Variants in MYO3B observed in about 807,000 individuals in gnomAD.
MYO3B encodes the protein myosin-IIIb.
MYO3B carries 156 observed loss-of-function variants against 174.6 expected under a neutral mutation model. The ratio of observed to expected loss-of-function variants is 0.89; its 90% CI spans 0.78 to 1.02. MYO3B has a LOEUF of 1.02. Among genes scored for constraint, MYO3B ranks in the 50% least tolerant of loss-of-function variants. The probability of loss-of-function intolerance (pLI) is 0.00; values close to 1 mark genes in which losing one functional copy is unlikely to be tolerated. For missense variants in MYO3B, 1,632 were observed against 1,639.4 expected, an observed-to-expected ratio of 1.00 and a Z score of 0.08; for synonymous variants, 563 against 569.1, an observed-to-expected ratio of 0.99 and a Z score of 0.15.
intron 22 of MYO3B, among the ~76,000 whole-genome samples, chr2:170,422,249 C>T (rs1558985917): frequency 6.6e-6 from 1 of 152,148 alleles, no homozygotes. Context: ...GTTGCCAAGG[C>T]TGGAGTACAG....
chr2:170,559,322 A>C (rs1691556435), intron 32 of MYO3B, among the ~76,000 whole-genome samples: 1 of 152,198 alleles, frequency 6.6e-6, no homozygotes, highest in South Asian at 2.1e-4. Flanking sequence ...GGAAAATAGA[A>C]GCCTTAAGGG....
chr2:170,199,034 A>G (rs778365151), intron 1 of MYO3B, among the ~76,000 whole-genome samples, 174 bp from the exon 2 acceptor site: 18 of 152,152 alleles, frequency 1.2e-4, no homozygotes, highest in Non-Finnish European at 2.2e-4. Flanking sequence ...ATCTTTTATT[A>G]CCATTTCTTA....
chr2:170,312,444 G>A (rs547974444), intron 7 of MYO3B, among the ~76,000 whole-genome samples: 1 of 152,366 alleles, frequency 6.6e-6, no homozygotes, highest in African/African-American at 2.4e-5. Flanking sequence ...CCTATTTAGT[G>A]TATTGCTGAA....
intron 30 of MYO3B, among the ~76,000 whole-genome samples, chr2:170,542,625 G>T (rs1312135678): frequency 1.3e-5 from 2 of 152,156 alleles, no homozygotes; most frequent in Non-Finnish European, 2.9e-5. Context: ...GCCCAATAGA[G>T]CTCGCTAAAC....
intron 23 of MYO3B, among the ~76,000 whole-genome samples, chr2:170,445,744 C>T (rs1014785282): frequency 1.3e-5 from 2 of 152,150 alleles, no homozygotes; most frequent in Non-Finnish European, 2.9e-5. Context: ...AAGGATCCTT[C>T]CACCTCAGCC....
At chr2:170,495,173 C>A (rs1017135751) in intron 25 of MYO3B, among the ~76,000 whole-genome samples, 6 of 152,306 alleles carry the variant, frequency 3.9e-5, no homozygotes, top group Middle Eastern at 3.4e-3. Context: ...ACTCATCATG[C>A]TGCTTCAGGA....
intron 28 of MYO3B, among the ~76,000 whole-genome samples, chr2:170,502,773 T>C (rs1687359509): frequency 6.6e-6 from 1 of 152,188 alleles, no homozygotes; most frequent in African/African-American, 2.4e-5. Context: ...GGATTTCACA[T>C]ACAGCTGAGC....
At chr2:170,249,374 A>G (rs34858703) in intron 7 of MYO3B, among the ~76,000 whole-genome samples, 33,543 of 152,086 alleles carry the variant, frequency 0.22, 5,707 homozygotes, top group African/African-American at 0.48. Context: ...ACCTTCCTCC[A>G]CATTTCCTCT....
At chr2:170,620,148 G>A (rs1026198060) in intron 32 of MYO3B, among the ~76,000 whole-genome samples, 1 of 151,800 alleles carries the variant, frequency 6.6e-6, no homozygotes, top group East Asian at 1.9e-4. Flanking sequence ...ATCTTTGGAG[G>A]GTTTCAAACA....
At chr2:170,601,063 A>G (rs1374219857) in intron 32 of MYO3B, among the ~76,000 whole-genome samples, 1 of 152,242 alleles carries the variant, frequency 6.6e-6, no homozygotes, top group African/African-American at 2.4e-5. Flanking sequence ...ACTATATGAA[A>G]GGATAAACAC....
chr2:170,399,030 G>A (rs1369520775), intron 16 of MYO3B, among the ~76,000 whole-genome samples: 1 of 152,020 alleles, frequency 6.6e-6, no homozygotes, highest in Non-Finnish European at 1.5e-5. Context: ...CAGATCACCT[G>A]AGGTCAGGAG....
At chr2:170,575,295 T>C (rs566567482) in intron 32 of MYO3B, among the ~76,000 whole-genome samples, 1 of 152,256 alleles carries the variant, frequency 6.6e-6, no homozygotes, top group African/African-American at 2.4e-5. Context: ...TATATGTATT[T>C]ATATATTCCC....
chr2:170,468,447 T>C (rs1684775338), intron 25 of MYO3B, among the ~76,000 whole-genome samples: 1 of 151,758 alleles, frequency 6.6e-6, no homozygotes, highest in South Asian at 2.3e-4. Flanking sequence ...CTTGGGATCA[T>C]GTTGTTGGGT....
chr2:170,192,718 CTTAAG>C (rs780818861), intron 1 of MYO3B, among the ~76,000 whole-genome samples: 15 of 151,354 alleles, frequency 9.9e-5, no homozygotes, highest in Non-Finnish European at 1.6e-4. Flanking sequence ...AGCCCAGCTT[CTTAAG>C]TTTTTTGCTT....
At chr2:170,348,811 A>G (rs2094038290) in intron 8 of MYO3B, among the ~76,000 whole-genome samples, 1 of 152,162 alleles carries the variant, frequency 6.6e-6, no homozygotes, top group South Asian at 2.1e-4. Context: ...ATAGCTTAGT[A>G]TATGTGCTTT....
intron 32 of MYO3B, among the ~76,000 whole-genome samples, chr2:170,594,164 C>T (rs189911544): frequency 7.7e-4 from 117 of 152,182 alleles, no homozygotes; most frequent in African/African-American, 2.0e-3. Context: ...GTAATTGGTC[C>T]AGAGTAGGAC....
At chr2:170,428,992 C>T (rs916343162) in intron 22 of MYO3B, among the ~76,000 whole-genome samples, 3 of 152,212 alleles carry the variant, frequency 2.0e-5, no homozygotes, top group African/African-American at 7.2e-5. Flanking sequence ...TAGTTCCAAG[C>T]ACTGAATCAT....
chr2:170,651,819 C>CCGGGGGGGGGG, intron 33 of MYO3B, 85 bp downstream of exon 33: 3 of 1,081,966 alleles, frequency 2.8e-6, no homozygotes, highest in East Asian at 2.4e-5. Flanking sequence ...CCAGCCCCTG[C>CCGGGGGGGGGG]AGCCCCACCC....
At chr2:170,415,441 G>T (rs2094572162) in intron 22 of MYO3B, among the ~76,000 whole-genome samples, 1 of 152,016 alleles carries the variant, frequency 6.6e-6, no homozygotes, top group Non-Finnish European at 1.5e-5. Context: ...TTTTACTTAT[G>T]TATCATGTTT....
Sources: allele counts gnomAD v4.1 joint callset (sites outside exome capture counted in the v4.1 genomes callset), GRCh38; gene constraint gnomAD v4.1.1; transcripts MANE v1.5; gene names NCBI Gene and HGNC (gene_info 2026-07-23, HGNC 2026-07-21).